The following FERMT2 variants were observed in gnomAD, a reference collection of about 807,000 sequenced individuals.
FERMT2 encodes the protein fermitin family homolog 2.
In FERMT2, 15 loss-of-function variants were observed where a neutral mutation model predicts 82.7. The observed-to-expected ratio is 0.18, with a 90% CI of 0.12 to 0.28. FERMT2 has a LOEUF of 0.28. Ranked by LOEUF, FERMT2 falls within the 10% of genes least tolerant of loss-of-function variation. The pLI is 1.00. For synonymous variants in FERMT2, 274 were observed against 271.5 expected (o/e 1.01, Z -0.09); for missense variants, 645 against 809.4 (o/e 0.80, Z 2.46).
intron 10 of FERMT2, chr14:52,871,989 G>T (rs1885651597): frequency 6.6e-6 from 1 of 152,392 alleles, no homozygotes; most frequent in African/African-American, 2.4e-5. Context: ...AGGGGAAGGG[G>T]AAGGACTTGC....
chr14:52,863,438 C>A (rs1885077288), intron 12 of FERMT2: 1 of 152,072 alleles, frequency 6.6e-6, no homozygotes. Context: ...CTTCGTCTCC[C>A]CACCCCCAAA....
chr14:52,931,550 TAAGCTAGAATCATGGGTCTC>T (rs1256769878), intron 2 of FERMT2, among the ~76,000 whole-genome samples: 1 of 152,182 alleles, frequency 6.6e-6, no homozygotes, highest in Non-Finnish European at 1.5e-5. Flanking sequence ...GGGAGTTGTC[TAAGCTAGAATCATGGGTCTC>T]AAGGACACTG....
At chr14:52,881,565 CAA>C (rs1355725311) in intron 4 of FERMT2, 96 bp from the exon 5 acceptor site, 23 of 1,020,958 alleles carry the variant, frequency 2.3e-5, no homozygotes, top group Non-Finnish European at 3.0e-5. Flanking sequence ...CATTGTGAAA[CAA>C]AAGTTTTATT....
At chr14:52,941,913 A>G (rs1248298913) in intron 2 of FERMT2, among the ~76,000 whole-genome samples, 1 of 152,172 alleles carries the variant, frequency 6.6e-6, no homozygotes, top group Non-Finnish European at 1.5e-5. Flanking sequence ...CATTTCAGAA[A>G]TCTTATTAAA....
chr14:52,899,161 A>G (rs1429229339), intron 3 of FERMT2, among the ~76,000 whole-genome samples: 1 of 152,186 alleles, frequency 6.6e-6, no homozygotes, highest in African/African-American at 2.4e-5. Flanking sequence ...AATTGCTTGT[A>G]AAATCAATAA....
At chr14:52,864,921 G>T in intron 10 of FERMT2, 68 bp from the exon 11 acceptor site, 2 of 909,622 alleles carry the variant, frequency 2.2e-6, no homozygotes, top group Non-Finnish European at 3.5e-6. Flanking sequence ...AATACAAGCA[G>T]CCCTCATTCT....
At chr14:52,937,214 G>A (rs1025093303) in intron 2 of FERMT2, among the ~76,000 whole-genome samples, 3 of 151,934 alleles carry the variant, frequency 2.0e-5, no homozygotes, top group Non-Finnish European at 4.4e-5. Flanking sequence ...TTTACCTTAC[G>A]ACTGCAAATA....
chr14:52,921,963 G>A (rs144147516), intron 2 of FERMT2, among the ~76,000 whole-genome samples: 1,709 of 152,102 alleles, frequency 0.011, 21 homozygotes, highest in Admixed American at 0.021. Flanking sequence ...TATACTCCCC[G>A]TGGGGAGGCA....
At chr14:52,927,592 T>TAAAAAAAAAAAAAAAAAAAAAAA (rs71125150) in intron 2 of FERMT2, among the ~76,000 whole-genome samples, 1 of 33,714 alleles carries the variant, frequency 3.0e-5, no homozygotes, top group African/African-American at 1.3e-4. Flanking sequence ...CTCATCCCTA[T>TAAAAAAAAAAAAAAAAAAAAAAA]AAAAAAAAAA....
At chr14:52,922,466 G>A (rs1309799536) in intron 2 of FERMT2, among the ~76,000 whole-genome samples, 3 of 112,912 alleles carry the variant, frequency 2.7e-5, no homozygotes, top group African/African-American at 9.4e-5. Context: ...CAGCCTGAAA[G>A]GAATGTTTAT....
chr14:52,892,463 T>TGTTTTTTTC (rs1380809532), intron 4 of FERMT2, among the ~76,000 whole-genome samples: 1 of 23,364 alleles, frequency 4.3e-5, no homozygotes, highest in Admixed American at 7.6e-4. Flanking sequence ...TTTGTTTTTT[T>TGTTTTTTTC]TTTTTTTTGA....
chr14:52,926,284 T>G (rs771682419), intron 2 of FERMT2, among the ~76,000 whole-genome samples: 1 of 152,212 alleles, frequency 6.6e-6, no homozygotes, highest in East Asian at 1.9e-4. Context: ...AACTAAAGCT[T>G]TGGAAAACTT....
chr14:52,919,085 A>T, intron 3 of FERMT2, 38 bp downstream of exon 3: 1 of 1,427,120 alleles, frequency 7.0e-7, no homozygotes, highest in East Asian at 2.3e-5. Context: ...TGTACATCAC[A>T]TAACTCGTAT....
chr14:52,881,658 G>A (rs867006378), intron 4 of FERMT2, 189 bp from the exon 5 acceptor site: 6 of 857,738 alleles, frequency 7.0e-6, no homozygotes, highest in Admixed American at 2.9e-5. Context: ...ATTAAAACAC[G>A]TAATAAAGCC....
chr14:52,942,285 T>G (rs985773011), intron 2 of FERMT2, among the ~76,000 whole-genome samples: 8 of 149,642 alleles, frequency 5.3e-5, no homozygotes, highest in Non-Finnish European at 1.2e-4. Flanking sequence ...CCAAAACCTG[T>G]GAGAAAATGT....
In FERMT2 at chr14:52,876,721, T is replaced by G. The variant is rs138733191; in HGVS notation, c.964-1364A>C. ...TCTGCTTCTTTTTACTATTGTAAAT[T>G]TACTTTACACAAGGATCCAGATGTC... On this transcript the variant is annotated intron_variant, in intron 7 of 14. Coordinates refer to ENST00000341590, the MANE Select transcript of FERMT2 (RefSeq NM_006832.3). Among the ~76,000 whole-genome samples, 902 of 152,310 alleles carry G rather than the reference T, an allele frequency of 5.9e-3. 31 individuals carry two copies. The highest frequency in any genetic ancestry group is 0.054 in the Admixed American group (829 of 15,280).
intron 2 of FERMT2, among the ~76,000 whole-genome samples, chr14:52,925,652 C>T (rs1000705244): frequency 1.3e-5 from 2 of 148,796 alleles, no homozygotes; most frequent in African/African-American, 2.5e-5. Context: ...ACTCTTTTTT[C>T]GTTTGAGATG....
intron 4 of FERMT2, among the ~76,000 whole-genome samples, chr14:52,889,319 C>T (rs948418605): frequency 6.6e-6 from 1 of 152,178 alleles, no homozygotes; most frequent in Non-Finnish European, 1.5e-5. Flanking sequence ...CCACAAATGT[C>T]CCTTAGGACA....
intron 3 of FERMT2, among the ~76,000 whole-genome samples, chr14:52,911,311 TA>T (rs570025953): frequency 1.3e-5 from 2 of 152,102 alleles, no homozygotes; most frequent in East Asian, 1.9e-4. Context: ...TCTTAACCAT[TA>T]AAAAAATATA....
Sources: gnomAD v4.1 joint callset for allele counts (sites outside exome capture counted in the v4.1 genomes callset) on GRCh38, gnomAD v4.1.1 for gene constraint, MANE v1.5 for transcripts, NCBI Gene and HGNC (gene_info 2026-07-23, HGNC 2026-07-21) for gene names.